Variants in SLC24A2 observed in about 807,000 individuals in gnomAD.
SLC24A2 encodes the protein sodium/potassium/calcium exchanger 2.
A neutral mutation model predicts 62.0 loss-of-function variants in SLC24A2; 36 were observed. The ratio of observed to expected loss-of-function variants is 0.58; its 90% confidence interval spans 0.44 to 0.77. SLC24A2 has a LOEUF of 0.77. Among genes scored for constraint, SLC24A2 ranks in the 30% least tolerant of loss-of-function variants. The pLI, the probability that SLC24A2 is intolerant of heterozygous loss-of-function variation, is 0.00. For synonymous variants in SLC24A2, 358 were observed against 294.0 expected, an observed-to-expected ratio of 1.22 and a Z score of -2.23; for missense variants, 846 against 817.9, an observed-to-expected ratio of 1.03 and a Z score of -0.42.
the SLC24A2 span, among the ~76,000 whole-genome samples, chr9:20,028,104 G>A: frequency 6.6e-6 from 1 of 152,188 alleles, no homozygotes; most frequent in African/African-American, 2.4e-5. Flanking sequence ...GTAATGATGA[G>A]TAGCAAAGCA....
chr9:19,935,162 G>A, the SLC24A2 span, among the ~76,000 whole-genome samples: 2 of 151,748 alleles, frequency 1.3e-5, no homozygotes, highest in Non-Finnish European at 2.9e-5. Flanking sequence ...CACTTGGGTT[G>A]CTTGTGAAAA....
Position 19,509,033 on chromosome 9 carries a change from A to G in SLC24A2, c.*7120T>C, listed in dbSNP as rs1031890539. 2 of 152,152 alleles carry G rather than the reference A, an allele frequency of 1.3e-5. No homozygotes were observed. Among genetic ancestry groups the G allele is most frequent in the African/African-American group, 4.8e-5 (2 of 41,436 alleles). 9.4% of individuals were successfully genotyped at this position (152,152 alleles called of 1,614,324 possible). On this transcript the variant is annotated 3_prime_UTR_variant, in exon 11 of 11. Coordinates refer to ENST00000341998, the MANE Select transcript of SLC24A2 (RefSeq NM_020344.4). ...AATTATTGATAAATTGTATACCTCT[A>G]TTTCCCATTTTTATAAGGGAACTTC...
chr9:19,600,508 A>G (rs949814353), intron 4 of SLC24A2, among the ~76,000 whole-genome samples: 1 of 152,240 alleles, frequency 6.6e-6, no homozygotes, highest in Non-Finnish European at 1.5e-5. Context: ...GGTTATAATC[A>G]CAGAGGGAGA....
the SLC24A2 span, among the ~76,000 whole-genome samples, chr9:19,865,772 T>C: frequency 6.6e-6 from 1 of 152,172 alleles, no homozygotes; most frequent in East Asian, 1.9e-4. Flanking sequence ...GGAAATTCTC[T>C]AGGACTTCAG....
chr9:19,987,670 TATTG>T, the SLC24A2 span, among the ~76,000 whole-genome samples: 27 of 152,216 alleles, frequency 1.8e-4, no homozygotes, highest in Non-Finnish European at 3.5e-4. Context: ...GGAACAGGTA[TATTG>T]GTATCTTAAA....
At chr9:19,657,443 T>C (rs1180425590) in intron 2 of SLC24A2, among the ~76,000 whole-genome samples, 3 of 152,126 alleles carry the variant, frequency 2.0e-5, no homozygotes, top group Admixed American at 6.6e-5. Flanking sequence ...GTTTGTTACA[T>C]AGACATGTAC....
At position 19,611,331 on chromosome 9, in the gene SLC24A2, G is replaced by A. The variant is rs377282675; in HGVS notation, c.1078+8253C>T. Among the ~76,000 whole-genome samples the A allele has an allele frequency of 6.0e-5, 9 of 150,950 alleles. No homozygotes were observed. In the South Asian group the frequency reaches 1.9e-3, roughly 32 times the overall value. The stretch of plus-strand genomic sequence containing the variant: ...GACAGGAAGGAGGGGAGACGAGGGG[G>A]CAAAGCAGGGGAGGAAGGGAGGAAG... On this transcript the variant is annotated intron_variant, in intron 4 of 10. Transcript: ENST00000341998.
chr9:20,195,157 A>G, the SLC24A2 span, among the ~76,000 whole-genome samples: 13 of 152,246 alleles, frequency 8.5e-5, no homozygotes, highest in South Asian at 2.7e-3. Context: ...TCATATTACA[A>G]TTATTCATCT....
the SLC24A2 span, among the ~76,000 whole-genome samples, chr9:20,218,857 C>A: frequency 1.3e-5 from 2 of 152,156 alleles, no homozygotes; most frequent in African/African-American, 4.8e-5. Flanking sequence ...TACCGAGTCT[C>A]ATCAGGCTGC....
chr9:20,107,000 G>A, the SLC24A2 span, among the ~76,000 whole-genome samples: 4 of 152,176 alleles, frequency 2.6e-5, no homozygotes, highest in African/African-American at 7.2e-5. Flanking sequence ...CTTCAGCAAA[G>A]TCTCAGGATA....
In SLC24A2 at chr9:19,675,478, T is replaced by C. The variant is rs537056063; in HGVS notation, c.931-53179A>G. Among the ~76,000 whole-genome samples the C allele has an allele frequency of 2.6e-5, 4 of 152,244 alleles. No individual in the cohort carries two copies. In the East Asian group the frequency reaches 7.7e-4, roughly 29 times the overall value. On this transcript the variant is annotated intron_variant, in intron 2 of 10. Coordinates refer to ENST00000341998, the MANE Select transcript of SLC24A2 (RefSeq NM_020344.4). ...GCAGGCAGAGAAAGACCATCAGGTG[T>C]AAGCATGGTTAGGTGTGTCTGAGCT...
At chr9:20,183,855 A>G in the SLC24A2 span, among the ~76,000 whole-genome samples, 1 of 137,590 alleles carries the variant, frequency 7.3e-6, no homozygotes, top group South Asian at 2.3e-4. Flanking sequence ...GGTTTTCAAA[A>G]TGCAAACCTT....
intron 2 of SLC24A2, among the ~76,000 whole-genome samples, chr9:19,783,764 C>T (rs776813219): frequency 8.5e-5 from 13 of 152,166 alleles, no homozygotes; most frequent in Non-Finnish European, 1.6e-4. Context: ...CACTTAAAAA[C>T]GTGTGACTGT....
the SLC24A2 span, among the ~76,000 whole-genome samples, chr9:20,230,896 C>G: frequency 1.3e-5 from 2 of 152,154 alleles, no homozygotes; most frequent in South Asian, 2.1e-4. Flanking sequence ...AATCCATCTT[C>G]AATTAATTTT....
intron 7 of SLC24A2, among the ~76,000 whole-genome samples, chr9:19,560,867 A>G (rs1835353664): frequency 6.8e-6 from 1 of 146,978 alleles, no homozygotes; most frequent in African/African-American, 2.5e-5. Context: ...TAATTTCTCA[A>G]TGTCTTTGCA....
the SLC24A2 span, among the ~76,000 whole-genome samples, chr9:19,822,421 C>T: frequency 6.6e-6 from 1 of 152,180 alleles, no homozygotes; most frequent in African/African-American, 2.4e-5. Context: ...GTCCTGAGAG[C>T]TTTAAGTAAA....
intron 2 of SLC24A2, among the ~76,000 whole-genome samples, chr9:19,648,514 T>C (rs1176761422): frequency 2.0e-5 from 3 of 152,106 alleles, no homozygotes; most frequent in Non-Finnish European, 2.9e-5. Context: ...ACCAACATAA[T>C]AGAAAGCTAG....
the SLC24A2 span, among the ~76,000 whole-genome samples, chr9:19,852,071 C>T: frequency 6.6e-6 from 1 of 152,216 alleles, no homozygotes; most frequent in African/African-American, 2.4e-5. Flanking sequence ...TTGCATTTCT[C>T]TAATGATCAG....
chr9:19,908,380 C>T, the SLC24A2 span, among the ~76,000 whole-genome samples: 10 of 152,056 alleles, frequency 6.6e-5, no homozygotes, highest in African/African-American at 2.2e-4. Context: ...ACCATAAAAA[C>T]CCTAGAAGAA....
Sources: gnomAD v4.1 joint callset for allele counts (sites outside exome capture counted in the v4.1 genomes callset) on GRCh38, gnomAD v4.1.1 for gene constraint, MANE v1.5 for transcripts, NCBI Gene and HGNC (gene_info 2026-07-23, HGNC 2026-07-21) for gene names.